SHKBP1: variants seen among roughly 807,000 people sequenced by gnomAD.
SHKBP1 encodes the protein SH3KBP1 binding protein 1, also known as SH3KBP1-binding protein 1.
Under a neutral mutation model 83.9 loss-of-function variants are expected in SHKBP1, and 71 were observed. That is an observed-to-expected ratio of 0.85 (90% CI 0.70 to 1.03). The LOEUF (loss-of-function observed/expected upper bound fraction) is 1.03. Among genes scored for constraint, SHKBP1 ranks in the 50% least tolerant of loss-of-function variants. SHKBP1 has a pLI of 0.00. For synonymous variants in SHKBP1, 371 were observed against 398.0 expected, an observed-to-expected ratio of 0.93 and a Z score of 0.81; for missense variants, 824 against 982.4, an observed-to-expected ratio of 0.84 and a Z score of 2.16.
intron 6 of SHKBP1, chr19:40,580,103 A>C: frequency 2.0e-6 from 1 of 510,816 alleles, no homozygotes; most frequent in Non-Finnish European, 3.4e-6. Context: ...AGCAGCACTA[A>C]ACTCAGTCTT....
chr19:40,583,335 G>T (rs2145985418), intron 10 of SHKBP1, 63 bp from the exon 11 acceptor site: 2 of 1,388,640 alleles, frequency 1.4e-6, no homozygotes, highest in Non-Finnish European at 2.0e-6. Context: ...TCTGTGAGGG[G>T]TCACCACGGA....
chr19:40,577,937 C>T (rs1322302781), intron 4 of SHKBP1: 5 of 613,836 alleles, frequency 8.1e-6, no homozygotes, highest in Non-Finnish European at 1.1e-5. Flanking sequence ...TTATGTCCTT[C>T]GATTTCTCCC....
chr19:40,580,031 CAAAAAA>C (rs35620022), intron 6 of SHKBP1: 15 of 64,114 alleles, frequency 2.3e-4, no homozygotes, highest in East Asian at 5.1e-4. Flanking sequence ...AACTCCAACT[CAAAAAA>C]AAAAAAAAAA....
At chr19:40,578,642 A>C (rs536962767) in intron 6 of SHKBP1, 100 bp downstream of exon 6, 2 of 1,035,266 alleles carry the variant, frequency 1.9e-6, no homozygotes, top group Non-Finnish European at 3.0e-6. Flanking sequence ...GCGTCCTGAG[A>C]TACAGTGGGA....
At position 40,591,209 on chromosome 19, in the gene SHKBP1, C is replaced by T. The variant is rs1473185622; in HGVS notation, c.*2C>T. On this transcript the variant is annotated 3_prime_UTR_variant, in exon 18 of 18. Coordinates refer to ENST00000291842, the MANE Select transcript of SHKBP1 (RefSeq NM_138392.4). Reference sequence around the variant, plus strand: ...AAGCTCAATGAAACTTCCTTTTGAACAACGCAGCTGCCATGATGCCTTGGG... The same window carrying T: ...AAGCTCAATGAAACTTCCTTTTGAATAACGCAGCTGCCATGATGCCTTGGG... 1.3e-6 allele frequency: 2 copies of T among 1,574,432 alleles called. No homozygotes were observed. The highest frequency in any genetic ancestry group is 2.3e-5 in the East Asian group (1 of 43,946).
At chr19:40,585,237 G>A (rs2081301827) in intron 12 of SHKBP1, among the ~76,000 whole-genome samples, 1 of 152,070 alleles carries the variant, frequency 6.6e-6, no homozygotes, top group African/African-American at 2.4e-5. Flanking sequence ...CTCCTGAACA[G>A]CAGAACCACA....
At chr19:40,577,929 A>T in intron 4 of SHKBP1, 1 of 626,016 alleles carries the variant, frequency 1.6e-6, no homozygotes, top group East Asian at 2.7e-5. Context: ...TTAAAATTTT[A>T]TGTCCTTCGA....
At position 40,578,444 on chromosome 19, in the gene SHKBP1, T is replaced by A. The variant is rs2145976257; in HGVS notation, c.320-18T>A. The A allele has an allele frequency of 6.2e-7, 1 of 1,614,036 alleles. No homozygotes were observed. The highest frequency in any genetic ancestry group is 2.2e-5 in the East Asian group (1 of 44,884). ...CAGCATCTCCCTAAGTCCCAGCCTT[T>A]AAGTCCTCCTGTTGCAGTTCGTCGC... On this transcript the variant is annotated intron_variant, in intron 5 of 17. Transcript: ENST00000291842.
Position 40,583,500 on chromosome 19 carries a change from G to A in SHKBP1, c.1048+15G>A. 1 of 1,612,928 alleles carries A rather than the reference G, an allele frequency of 6.2e-7. No homozygotes were observed. Among genetic ancestry groups the A allele is most frequent in the East Asian group, 2.2e-5 (1 of 44,836 alleles). ...TTACTACGTGGGTGAGCAGCAGCCT[G>A]TGTCCCGGGTGCCCGAGACCCTCCC... On this transcript the variant is annotated intron_variant, in intron 11 of 17. Transcript: ENST00000291842.
At chr19:40,584,384 G>A (rs539295986) in intron 12 of SHKBP1, among the ~76,000 whole-genome samples, 35 of 152,218 alleles carry the variant, frequency 2.3e-4, no homozygotes, top group African/African-American at 8.4e-4. Context: ...ACAGTTTTTT[G>A]TTTTGTTTTC....
At position 40,580,410 on chromosome 19, in the gene SHKBP1, A is replaced by G; in HGVS notation, c.487A>G (p.Thr163Ala). 1.9e-6 allele frequency: 3 copies of G among 1,614,176 alleles called. No homozygotes were observed. The highest frequency in any genetic ancestry group is 2.5e-6 in the Non-Finnish European group (3 of 1,180,032). Residue 163 changes from threonine to alanine, a missense_variant, in exon 7 of 18, where the codon ACG becomes GCG. Coordinates refer to ENST00000291842, the MANE Select transcript of SHKBP1 (RefSeq NM_138392.4). ...GRPAPVRRSN[T>A]MPPNLGNAGL... ...GCCAGCCCCTGTCCGACGGAGCAAC[A>G]CGATGCCCCCCAACCTTGGCAATGC...
rs2081353731 is a variant in SHKBP1, at chr19:40,590,880, G to C, written c.1892+27G>C. 6.4e-7 allele frequency: 1 copy of C among 1,571,332 alleles called. No homozygotes were observed. The highest frequency in any genetic ancestry group is 8.7e-7 in the Non-Finnish European group (1 of 1,150,202). On this transcript the variant is annotated intron_variant, in intron 17 of 17. Transcript: ENST00000291842. This position sits in a 1 kb window ranked among gnomAD's most constrained non-coding sequence, Gnocchi z 4.6. ...TAGCCACAACTCCACTGCCCCTTCT[G>C]TGCAATGAGGGGAGAGGGGACAGCA...
At chr19:40,577,755 G>T in intron 4 of SHKBP1, 125 bp downstream of exon 4, 2 of 1,250,598 alleles carry the variant, frequency 1.6e-6, no homozygotes, top group Non-Finnish European at 2.3e-6. Flanking sequence ...CTTGATCACA[G>T]GCCGGGCGCG....
rs925448266 is a variant in SHKBP1, at chr19:40,583,432, C to T, written c.995C>T (p.Ala332Val). ...QEVQPITSYD[A>V]AGSFLLLGCN... Reference sequence around the variant, plus strand: ...GTGCAGCCCATCACCAGTTATGACGCGGCAGGCTCCTTCCTCCTCCTGGGC... The same window carrying T: ...GTGCAGCCCATCACCAGTTATGACGTGGCAGGCTCCTTCCTCCTCCTGGGC... Residue 332 changes from alanine to valine, a missense_variant, in exon 11 of 18, where the codon GCG (alanine) becomes GTG (valine). By Grantham distance (64) the Ala-to-Val change is moderately conservative. Transcript: ENST00000291842. 5 of 1,602,418 alleles carry T rather than the reference C, an allele frequency of 3.1e-6. No homozygotes were observed. Among genetic ancestry groups the T allele is most frequent in the Admixed American group, 1.7e-5 (1 of 57,762 alleles).
Position 40,583,463 on chromosome 19 carries a change from C to G in SHKBP1, c.1026C>G (p.Asn342Lys), listed in dbSNP as rs2081286391. 1 of 1,610,632 alleles carries G rather than the reference C, an allele frequency of 6.2e-7. No individual in the cohort carries two copies. ...AAGSFLLLGCNNGSIYYVDVQ... is the reference protein window; with the variant it reads ...AAGSFLLLGCKNGSIYYVDVQ... ...GCTCCTTCCTCCTCCTGGGCTGCAACAACGGCTCCATTTACTACGTGGGTG... is the reference window on the plus strand; with the variant it reads ...GCTCCTTCCTCCTCCTGGGCTGCAAGAACGGCTCCATTTACTACGTGGGTG... The change falls in exon 11 of 18, where the codon AAC becomes AAG. Residue 342 changes from asparagine to lysine, a missense_variant. By Grantham distance (94) the Asn-to-Lys change is moderately conservative. Transcript: ENST00000291842.
chr19:40,578,308 G>A, intron 5 of SHKBP1, 96 bp downstream of exon 5: 1 of 1,490,914 alleles, frequency 6.7e-7, no homozygotes, highest in Non-Finnish European at 9.4e-7. Context: ...AAAGAGGGCT[G>A]GGGTAGAGGT....
rs377556695 is a variant in SHKBP1, at chr19:40,583,731, C to T, written c.1165+14C>T. The T allele has an allele frequency of 3.6e-5, 57 of 1,599,870 alleles. No individual in the cohort carries two copies. In the African/African-American group the frequency reaches 5.1e-4, roughly 14 times the overall value. ...CCCCCAAGACCAGTAAGCTATGACC[C>T]GGCTTCCCCTGCTGCTGTCACCTGC... On this transcript the variant is annotated intron_variant, in intron 12 of 17. Coordinates refer to ENST00000291842, the MANE Select transcript of SHKBP1 (RefSeq NM_138392.4).
intron 9 of SHKBP1, 48 bp downstream of exon 9, chr19:40,580,984 T>C: frequency 2.0e-6 from 3 of 1,481,658 alleles, no homozygotes; most frequent in Non-Finnish European, 2.7e-6. Flanking sequence ...TAAATTCTAC[T>C]GCCTGTTAAA....
intron 12 of SHKBP1, 74 bp downstream of exon 12, chr19:40,583,791 T>C: frequency 8.8e-7 from 1 of 1,131,930 alleles, no homozygotes; most frequent in Non-Finnish European, 1.3e-6. Flanking sequence ...GTCCCCCAAC[T>C]TGTGTAGCAT....
Sources: allele counts gnomAD v4.1 joint callset (sites outside exome capture counted in the v4.1 genomes callset), GRCh38; gene constraint gnomAD v4.1.1; non-coding constraint Gnocchi (gnomAD v3.1); transcripts MANE v1.5; gene names NCBI Gene and HGNC (gene_info 2026-07-23, HGNC 2026-07-21).